Variants in RASGRP1 observed in about 807,000 individuals in gnomAD.
RASGRP1 encodes RAS guanyl releasing protein 1.
RASGRP1 carries 37 observed loss-of-function variants against 95.1 expected under a neutral mutation model. The observed-to-expected ratio is 0.39, with a 90% confidence interval of 0.30 to 0.51. RASGRP1 has a LOEUF of 0.51. Among genes scored for constraint, RASGRP1 ranks in the 20% least tolerant of loss-of-function variants. The probability of loss-of-function intolerance (pLI) is 0.80; values close to 1 mark genes in which losing one functional copy is unlikely to be tolerated. For missense variants in RASGRP1, 711 were observed against 965.4 expected, an observed-to-expected ratio of 0.74 and a Z score of 3.49; for synonymous variants, 325 against 353.4, an observed-to-expected ratio of 0.92 and a Z score of 0.90.
rs1234015431 is a variant in RASGRP1, at chr15:38,505,967, C to T, written c.1243-47G>A. 3.6e-6 allele frequency: 5 copies of T among 1,406,266 alleles called. 1 individual carries two copies. In the South Asian group the frequency reaches 6.0e-5, roughly 17 times the overall value. The allele number at this position is 1,406,266 out of a possible 1,614,324, so 87.1% of individuals were successfully genotyped here. A position where few individuals can be genotyped will look rare whatever the true frequency, so the allele number is the denominator to read the frequency against. ...GGTTCATTGCTAAGATGCTGTTTGC[C>T]TCTCCCACAGCTGATGGTTCTTTCT... On this transcript the variant is annotated intron_variant, in intron 9 of 16. Transcript: ENST00000310803.
At chr15:38,522,171 C>G (rs770358014) in intron 3 of RASGRP1, among the ~76,000 whole-genome samples, 12 of 152,210 alleles carry the variant, frequency 7.9e-5, no homozygotes, top group Non-Finnish European at 1.5e-4. Context: ...AAGACAGAGT[C>G]TAGCGGGGGA....
chr15:38,503,594 T>G, intron 10 of RASGRP1: 1 of 554,642 alleles, frequency 1.8e-6, no homozygotes, highest in South Asian at 2.4e-5. Context: ...TTCACATACA[T>G]TATCTGCAGC....
At chr15:38,532,367 T>G (rs1396692626) in intron 2 of RASGRP1, among the ~76,000 whole-genome samples, 2 of 152,204 alleles carry the variant, frequency 1.3e-5, no homozygotes, top group Admixed American at 1.3e-4. Context: ...GCCATTTGAC[T>G]AGGGGAGTAA....
intron 2 of RASGRP1, among the ~76,000 whole-genome samples, chr15:38,559,360 C>G (rs1173432581): frequency 1.3e-5 from 2 of 152,154 alleles, no homozygotes; most frequent in African/African-American, 4.8e-5. Context: ...TGGCTTTACC[C>G]AGTCCTTTCC....
intron 6 of RASGRP1, 34 bp downstream of exon 6, chr15:38,516,163 G>C (rs1891775589): frequency 6.5e-7 from 1 of 1,533,342 alleles, no homozygotes; most frequent in Non-Finnish European, 9.0e-7. Flanking sequence ...AAATATCCCA[G>C]GGAAGATTTT....
intron 6 of RASGRP1, among the ~76,000 whole-genome samples, chr15:38,514,672 AG>A (rs1483664570): frequency 6.6e-6 from 1 of 152,172 alleles, no homozygotes; most frequent in African/African-American, 2.4e-5. Context: ...AAAGAAATGA[AG>A]GTTGAAACTG....
chr15:38,504,365 T>C (rs774493905), intron 10 of RASGRP1: 1 of 152,224 alleles, frequency 6.6e-6, no homozygotes, highest in Non-Finnish European at 1.5e-5. Context: ...AAGCACACAT[T>C]GTATAGCTTA....
intron 4 of RASGRP1, among the ~76,000 whole-genome samples, chr15:38,519,051 AAAAT>A (rs922758887): frequency 2.0e-5 from 3 of 152,224 alleles, no homozygotes; most frequent in Admixed American, 6.5e-5. Context: ...ATTAAGAACA[AAAAT>A]AAAGAAAATA....
At chr15:38,540,604 C>T (rs898740113) in intron 2 of RASGRP1, among the ~76,000 whole-genome samples, 1 of 152,166 alleles carries the variant, frequency 6.6e-6, no homozygotes, top group African/African-American at 2.4e-5. Context: ...AAAGCAGTGA[C>T]TAAGATTTAG....
rs146441552 is a variant in RASGRP1, at chr15:38,516,091, A to C, written c.675+106T>G. The C allele has an allele frequency of 2.4e-3, 3,209 of 1,334,194 alleles. 5 individuals are homozygous for C. The highest frequency in any genetic ancestry group is 2.4e-3 in the South Asian group (176 of 71,866). The allele number at this position is 1,334,194 out of a possible 1,614,324, so 82.6% of individuals were successfully genotyped here. A position where few individuals can be genotyped will look rare whatever the true frequency, so the allele number is the denominator to read the frequency against. ...ATGTCTGGCAGGAAAGCCTGCCACG[A>C]CTTGAGGGGGCCTCTAAGGTTATGA... is the stretch of plus-strand genomic sequence containing the variant. On this transcript the variant is annotated intron_variant, in intron 6 of 16. Transcript: ENST00000310803.
Position 38,490,554 on chromosome 15 carries a change from C to CT in RASGRP1, c.2393dup (p.Ter798=). 1 of 1,601,614 alleles carries CT rather than the reference C, an allele frequency of 6.2e-7. No homozygotes were observed. The change falls in exon 17 of 17, where the codon TAG becomes TAAG. Residue 798 remains the stop codon, a frameshift_variant and stop_retained_variant. Transcript: ENST00000310803. LOFTEE classifies it high-confidence loss of function. The stretch of plus-strand genomic sequence containing the variant: ...CAGATTGTGCTACTTAGTTTCTGGG[C>CT]TAAGAACAGTCACCCTGCTCCATTT... ...LAQMEQGDCS[*]
chr15:38,498,280 G>A (rs1890872422), intron 15 of RASGRP1, among the ~76,000 whole-genome samples: 2 of 152,158 alleles, frequency 1.3e-5, no homozygotes, highest in Non-Finnish European at 2.9e-5. Flanking sequence ...ATGCAGCCAA[G>A]CAGACCAGTA....
intron 8 of RASGRP1, among the ~76,000 whole-genome samples, chr15:38,508,866 C>T (rs1251576016): frequency 6.6e-6 from 1 of 152,128 alleles, no homozygotes; most frequent in Non-Finnish European, 1.5e-5. Flanking sequence ...GACTGTCTGC[C>T]AATCATGTTA....
intron 1 of RASGRP1, among the ~76,000 whole-genome samples, chr15:38,564,281 G>A (rs1394103312): frequency 6.6e-6 from 1 of 152,184 alleles, no homozygotes; most frequent in African/African-American, 2.4e-5. Context: ...GCGTGGAGAT[G>A]TGGGGGAGGA....
In RASGRP1 at chr15:38,490,285, T is replaced by C. The variant is rs1033237795; in HGVS notation, c.*269A>G. 4 of 279,412 alleles carry C rather than the reference T, an allele frequency of 1.4e-5. No individual in the cohort carries two copies. Among genetic ancestry groups the C allele is most frequent in the Non-Finnish European group, 2.6e-5 (4 of 151,526 alleles). 17.3% of individuals were successfully genotyped at this position (279,412 alleles called of 1,614,324 possible). On this transcript the variant is annotated 3_prime_UTR_variant, in exon 17 of 17. Transcript: ENST00000310803. ...CCCCATTGTCAGGAAATGATAGTCA[T>C]GTTTTAGATCGCATACTTTTGATGA...
At chr15:38,539,264 A>G (rs1242649684) in intron 2 of RASGRP1, among the ~76,000 whole-genome samples, 4 of 152,232 alleles carry the variant, frequency 2.6e-5, no homozygotes, top group African/African-American at 9.6e-5. Context: ...GCTGGCCTGC[A>G]TGCTAAATGA....
chr15:38,502,180 A>G, intron 12 of RASGRP1, 132 bp downstream of exon 12: 1 of 638,502 alleles, frequency 1.6e-6, no homozygotes, highest in Non-Finnish European at 2.6e-6. Flanking sequence ...AAGAATGCAT[A>G]TTTCATGGTC....
At chr15:38,501,572 C>G (rs2141090464) in intron 12 of RASGRP1, 1 of 523,936 alleles carries the variant, frequency 1.9e-6, no homozygotes. Context: ...GAAAAAGAAA[C>G]AATGTAACAT....
intron 7 of RASGRP1, among the ~76,000 whole-genome samples, chr15:38,512,112 C>G (rs1376309857): frequency 6.6e-6 from 1 of 152,174 alleles, no homozygotes; most frequent in Non-Finnish European, 1.5e-5. Flanking sequence ...GCAGGTGATC[C>G]AAAGTCAGAG....
Sources: allele counts gnomAD v4.1 joint callset (sites outside exome capture counted in the v4.1 genomes callset), GRCh38; gene constraint gnomAD v4.1.1; transcripts MANE v1.5; gene names NCBI Gene and HGNC (gene_info 2026-07-23, HGNC 2026-07-21).